COL24A1: variants seen among roughly 807,000 people sequenced by gnomAD.
COL24A1 encodes collagen alpha-1(XXIV) chain.
Under a neutral mutation model 253.9 loss-of-function variants are expected in COL24A1, and 224 were observed. That is an observed-to-expected ratio of 0.88 (90% CI 0.79 to 0.99). The LOEUF (loss-of-function observed/expected upper bound fraction) is 0.99, where lower values mean the gene tolerates loss of function less well. COL24A1 is among the 50% of genes least tolerant of loss of function. The probability of loss-of-function intolerance (pLI) is 0.00; values close to 1 mark genes in which losing one functional copy is unlikely to be tolerated. For synonymous variants in COL24A1, 685 were observed against 673.7 expected, an observed-to-expected ratio of 1.02 and a Z score of -0.26; for missense variants, 2,131 against 2,068.5, an observed-to-expected ratio of 1.03 and a Z score of -0.59.
intron 43 of COL24A1, among the ~76,000 whole-genome samples, chr1:85,829,782 T>C (rs1209512375): frequency 9.9e-5 from 15 of 152,122 alleles, no homozygotes; most frequent in Admixed American, 6.6e-4. Flanking sequence ...ATCAGCTCCT[T>C]TAAGCACTTC....
chr1:85,858,048 G>A (rs1678656928), intron 37 of COL24A1, among the ~76,000 whole-genome samples: 1 of 152,154 alleles, frequency 6.6e-6, no homozygotes, highest in African/African-American at 2.4e-5. Flanking sequence ...AGTTAGCTAT[G>A]CCTCTAAAAT....
chr1:85,997,763 GAAA>G (rs56060135), intron 19 of COL24A1, among the ~76,000 whole-genome samples: 57,756 of 136,154 alleles, frequency 0.42, 11,468 homozygotes, highest in East Asian at 0.61. Flanking sequence ...CCTGGCTACA[GAAA>G]AAAAAAAAAA....
At chr1:85,823,848 T>C (rs1483835794) in intron 43 of COL24A1, 110 bp from the exon 44 acceptor site, 2 of 924,454 alleles carry the variant, frequency 2.2e-6, no homozygotes, top group Non-Finnish European at 1.7e-6. Context: ...TCAACTTAAA[T>C]GTCGTAGAGA....
intron 5 of COL24A1, among the ~76,000 whole-genome samples, chr1:86,097,495 TCCTCCCTTCTCCTCCTCCCTCCTCCTC>T (rs1704022097): frequency 3.7e-5 from 1 of 26,822 alleles, no homozygotes; most frequent in African/African-American, 1.3e-4. Flanking sequence ...TCCTCCCTCC[TCCTCCCTTCTCCTCCTCCCTCCTCCTC>T]CCTCCTCCCT....
At chr1:86,129,287 G>T (rs1648793483) in intron 2 of COL24A1, among the ~76,000 whole-genome samples, 1 of 151,426 alleles carries the variant, frequency 6.6e-6, no homozygotes, top group Non-Finnish European at 1.5e-5. Context: ...GTGGCCCTCT[G>T]TCTCATTTCT....
chr1:85,729,391 A>T lies in COL24A1; in HGVS notation c.*1155T>A, dbSNP rs1007357101. On this transcript the variant is annotated 3_prime_UTR_variant, in exon 60 of 60. Transcript: ENST00000370571. ...TTTCTCTGATAACAAGGAGACATTG[A>T]ACTGGCTGAGCCTATTTTAAATGGG... 4.6e-5 allele frequency: 7 copies of T among 151,642 alleles called. No homozygotes were observed. The highest frequency in any genetic ancestry group is 7.4e-5 in the Non-Finnish European group (5 of 67,858). The allele number at this position is 151,642 out of a possible 1,614,324, so 9.4% of individuals were successfully genotyped here.
At chr1:86,046,081 G>T (rs1014468232) in intron 12 of COL24A1, among the ~76,000 whole-genome samples, 1 of 152,108 alleles carries the variant, frequency 6.6e-6, no homozygotes, top group African/African-American at 2.4e-5. Context: ...TCCCTTCAAA[G>T]AATATTGCAA....
At chr1:86,135,654 C>T (rs1372414326) in intron 2 of COL24A1, among the ~76,000 whole-genome samples, 1 of 151,914 alleles carries the variant, frequency 6.6e-6, no homozygotes, top group Non-Finnish European at 1.5e-5. Flanking sequence ...GACTTCTTTA[C>T]TGACTTCTAC....
chr1:85,847,643 T>C (rs757686001), intron 39 of COL24A1, 22 bp downstream of exon 39: 1 of 1,571,864 alleles, frequency 6.4e-7, no homozygotes. Flanking sequence ...GACTCAATTC[T>C]GGAAGCAAGT....
At chr1:86,070,561 T>C (rs1370884449) in intron 7 of COL24A1, among the ~76,000 whole-genome samples, 1 of 152,008 alleles carries the variant, frequency 6.6e-6, no homozygotes, top group Non-Finnish European at 1.5e-5. Context: ...ATGTCAAAGA[T>C]TAAAACATGA....
Position 86,046,854 on chromosome 1 carries a change from G to A in COL24A1, c.1921C>T (p.Arg641Cys), listed in dbSNP as rs1395995394. 8 of 1,582,496 alleles carry A rather than the reference G, an allele frequency of 5.1e-6. No individual in the cohort carries two copies. Among genetic ancestry groups the A allele is most frequent in the South Asian group, 4.4e-5 (4 of 90,324 alleles). The change falls in exon 12 of 60, where the codon CGT becomes TGT. Residue 641 changes from arginine to cysteine, a missense_variant. Transcript: ENST00000370571. Reference protein sequence around the residue: ...PEGERGIPGIRGKKGFKGRQG... With the variant: ...PEGERGIPGICGKKGFKGRQG... ...CTCCCCTTAAAACCCTTCTTTCCACGGATCCCAGGAATGCCCTAGAATATA... is the reference window on the plus strand; with the variant it reads ...CTCCCCTTAAAACCCTTCTTTCCACAGATCCCAGGAATGCCCTAGAATATA...
chr1:86,125,355 G>A lies in COL24A1; in HGVS notation c.981C>T (p.Leu327=), dbSNP rs1490004184. The change falls in exon 3 of 60, where the codon CTC becomes CTT. Residue 327 remains leucine, a synonymous_variant. Coordinates refer to ENST00000370571, the MANE Select transcript of COL24A1 (RefSeq NM_152890.7). ...LQSGNVSAVD[L]TNHGIQAKEM... ...CTTTGGCCTGAATCCCATGGTTTGTGAGATCCACAGCAGAGACATTTCCTG... is the reference window on the plus strand; with the variant it reads ...CTTTGGCCTGAATCCCATGGTTTGTAAGATCCACAGCAGAGACATTTCCTG... The A allele has an allele frequency of 6.2e-7, 1 of 1,613,640 alleles. No homozygotes were observed. The highest frequency in any genetic ancestry group is 1.7e-4 in the Middle Eastern group (1 of 6,058).
chr1:85,904,711 A>G lies in COL24A1; in HGVS notation c.2778+2483T>C, dbSNP rs372500644. Among the ~76,000 whole-genome samples the G allele has an allele frequency of 9.3e-4, 141 of 152,200 alleles. 1 individual carries two copies. The highest frequency in any genetic ancestry group is 3.3e-3 in the African/African-American group (137 of 41,538). ...TTTAGTCAATCCTGTTATCTTTTTC[A>G]GCTATATAAAAGGCAAGGTTACTTA... On this transcript the variant is annotated intron_variant, in intron 28 of 59. Transcript: ENST00000370571.
At chr1:85,947,214 C>G (rs1689409417) in intron 24 of COL24A1, among the ~76,000 whole-genome samples, 1 of 152,190 alleles carries the variant, frequency 6.6e-6, no homozygotes, top group Non-Finnish European at 1.5e-5. Flanking sequence ...TTGACAAATA[C>G]ATGTAGAACT....
At chr1:86,061,369 T>G (rs1474101631) in intron 8 of COL24A1, among the ~76,000 whole-genome samples, 1 of 152,098 alleles carries the variant, frequency 6.6e-6, no homozygotes, top group East Asian at 1.9e-4. Context: ...AAGGCTGTTT[T>G]TATTCTGTAG....
At chr1:85,938,794 G>C (rs1290982655) in intron 24 of COL24A1, among the ~76,000 whole-genome samples, 1 of 118,378 alleles carries the variant, frequency 8.4e-6, no homozygotes, top group Non-Finnish European at 1.9e-5. Context: ...TTCCCAGGTT[G>C]GTCCATATAC....
intron 24 of COL24A1, among the ~76,000 whole-genome samples, chr1:85,922,918 G>A (rs540393084): frequency 6.6e-5 from 10 of 152,032 alleles, no homozygotes; most frequent in Non-Finnish European, 1.0e-4. Context: ...GTATTCAGGA[G>A]ACCCATCTCA....
intron 38 of COL24A1, 104 bp downstream of exon 38, chr1:85,849,249 T>C (rs1677487020): frequency 4.7e-6 from 3 of 632,322 alleles, no homozygotes; most frequent in Non-Finnish European, 8.1e-6. Flanking sequence ...TATAATTCTT[T>C]ACTACTTTAC....
At chr1:85,834,483 T>C (rs17128389) in intron 43 of COL24A1, among the ~76,000 whole-genome samples, 3,235 of 152,274 alleles carry the variant, frequency 0.021, 122 homozygotes, top group African/African-American at 0.074. Flanking sequence ...CTTACTGAGT[T>C]TGAGGTGCCT....
Sources: gnomAD v4.1 joint callset for allele counts (sites outside exome capture counted in the v4.1 genomes callset) on GRCh38, gnomAD v4.1.1 for gene constraint, MANE v1.5 for transcripts, NCBI Gene and HGNC (gene_info 2026-07-23, HGNC 2026-07-21) for gene names.